The following EPB41L3 variants were observed in gnomAD, a reference collection of about 807,000 sequenced individuals.
The protein encoded by EPB41L3 is band 4.1-like protein 3.
Under a neutral mutation model 127.1 loss-of-function variants are expected in EPB41L3, and 57 were observed. The ratio of observed to expected loss-of-function variants is 0.45; its 90% CI spans 0.36 to 0.56. The LOEUF is 0.56. Among genes scored for constraint, EPB41L3 ranks in the 20% least tolerant of loss-of-function variants. EPB41L3 has a pLI of 0.00. For synonymous variants in EPB41L3, 572 were observed against 549.5 expected, an observed-to-expected ratio of 1.04 and a Z score of -0.57; for missense variants, 1,273 against 1,372.2, an observed-to-expected ratio of 0.93 and a Z score of 1.14.
chr18:5,622,419 G>A (rs545274727), intron 1 of EPB41L3, among the ~76,000 whole-genome samples: 13 of 152,156 alleles, frequency 8.5e-5, no homozygotes, highest in Non-Finnish European at 1.9e-4. Context: ...GTGACTTGTC[G>A]CCAGATAGCC....
At chr18:5,472,761 A>G (rs924030051) in intron 3 of EPB41L3, among the ~76,000 whole-genome samples, 1 of 152,202 alleles carries the variant, frequency 6.6e-6, no homozygotes, top group Non-Finnish European at 1.5e-5. Flanking sequence ...TTGAATCTCA[A>G]TAAGTACAGC....
At chr18:5,508,224 G>A (rs551971222) in intron 1 of EPB41L3, 3 of 152,158 alleles carry the variant, frequency 2.0e-5, no homozygotes, top group East Asian at 3.9e-4. Context: ...GCTTCTAAAC[G>A]GCATGATAAA....
At chr18:5,561,263 C>A (rs977611315) in intron 3 of EPB41L3, among the ~76,000 whole-genome samples, 2 of 152,120 alleles carry the variant, frequency 1.3e-5, no homozygotes, top group Admixed American at 6.5e-5. Flanking sequence ...AGGCGTGAGC[C>A]ACCGCGCCTG....
chr18:5,469,873 C>T lies in EPB41L3; in HGVS notation c.381+8368G>A, dbSNP rs1156578345. Among the ~76,000 whole-genome samples the T allele has an allele frequency of 7.3e-5, 11 of 151,652 alleles. No individual in the cohort carries two copies. The East Asian group carries it at 1.6e-3, about 22-fold the overall frequency. ...ACTGCAACCTCTGCCTCCCGGGTCC[C>T]GGTTCAAGCAAGTCTCCTGCCTCAG... On this transcript the variant is annotated intron_variant, in intron 3 of 22. Transcript: ENST00000341928.
At chr18:5,623,762 C>T (rs1420467744) in intron 1 of EPB41L3, among the ~76,000 whole-genome samples, 7 of 151,716 alleles carry the variant, frequency 4.6e-5, no homozygotes, top group Non-Finnish European at 8.8e-5. Flanking sequence ...ATTCTCATGC[C>T]TCAGCCTCCC....
intron 3 of EPB41L3, among the ~76,000 whole-genome samples, chr18:5,589,018 T>G (rs1468701590): frequency 6.6e-6 from 1 of 152,186 alleles, no homozygotes; most frequent in Non-Finnish European, 1.5e-5. Flanking sequence ...TTTCAATACT[T>G]GTACTACATT....
At chr18:5,528,961 T>C (rs978208155) in intron 1 of EPB41L3, 1 of 152,180 alleles carries the variant, frequency 6.6e-6, no homozygotes, top group Non-Finnish European at 1.5e-5. Flanking sequence ...CTTTGAGTAA[T>C]GGTCAATACA....
intron 1 of EPB41L3, among the ~76,000 whole-genome samples, chr18:5,516,727 T>C (rs568289510): frequency 1.3e-5 from 2 of 152,324 alleles, no homozygotes; most frequent in East Asian, 3.9e-4. Context: ...TTAAAATATA[T>C]ACATTTAGCC....
At chr18:5,620,855 C>A (rs1472620929) in intron 1 of EPB41L3, among the ~76,000 whole-genome samples, 1 of 152,136 alleles carries the variant, frequency 6.6e-6, no homozygotes, top group African/African-American at 2.4e-5. Context: ...GGCCATCAAA[C>A]TTTCCCCACC....
intron 3 of EPB41L3, among the ~76,000 whole-genome samples, chr18:5,473,247 C>T (rs899542431): frequency 1.3e-5 from 2 of 152,022 alleles, no homozygotes; most frequent in African/African-American, 4.8e-5. Flanking sequence ...AAATTGCCCT[C>T]ATTATTGAAT....
chr18:5,594,276 C>A (rs2094515820), intron 3 of EPB41L3, among the ~76,000 whole-genome samples: 1 of 152,182 alleles, frequency 6.6e-6, no homozygotes, highest in East Asian at 1.9e-4. Flanking sequence ...CCGGTCCCTC[C>A]ATTCGGGGTC....
intron 3 of EPB41L3, among the ~76,000 whole-genome samples, chr18:5,471,857 C>G (rs909362180): frequency 3.3e-5 from 5 of 152,104 alleles, no homozygotes; most frequent in Non-Finnish European, 7.4e-5. Flanking sequence ...TCCTGTTAGG[C>G]CTTCACACAA....
intron 3 of EPB41L3, among the ~76,000 whole-genome samples, chr18:5,461,366 GT>G (rs1456506282): frequency 6.6e-6 from 1 of 152,116 alleles, no homozygotes; most frequent in African/African-American, 2.4e-5. Flanking sequence ...CATCACTTAT[GT>G]CTATAAGCAG....
intron 1 of EPB41L3, among the ~76,000 whole-genome samples, chr18:5,511,443 C>G (rs1327991396): frequency 9.5e-6 from 1 of 105,134 alleles, no homozygotes; most frequent in Non-Finnish European, 1.8e-5. Context: ...CCAATTTTCC[C>G]TTAAGGGCAA....
chr18:5,474,179 C>T (rs192881198), intron 3 of EPB41L3, among the ~76,000 whole-genome samples: 1,709 of 151,412 alleles, frequency 0.011, 24 homozygotes, highest in South Asian at 0.045. Context: ...TGCAGTGAGC[C>T]GAGATCGCGC....
Position 5,489,013 on chromosome 18 carries a change from C to G in EPB41L3, c.171G>C (p.Pro57=), listed in dbSNP as rs749562073. 1.3e-6 allele frequency: 2 copies of G among 1,583,850 alleles called. No homozygotes were observed. Among genetic ancestry groups the G allele is most frequent in the Non-Finnish European group, 1.7e-6 (2 of 1,173,694 alleles). The change falls in exon 2 of 23, where the codon CCG becomes CCC. Residue 57 remains proline (P), a synonymous_variant. Transcript: ENST00000341928. The part of the protein sequence containing the change: ...QFAAAAAHST[P]VRREVTDKEQ... ...GGCCTGGGCTCACCTCCCTCCGCAC[C>G]GGGGTGCTGTGCGCTGCAGCGGCGG...
intron 3 of EPB41L3, among the ~76,000 whole-genome samples, chr18:5,558,231 T>C (rs1785391): frequency 0.12 from 18,993 of 152,210 alleles, 1,239 homozygotes; most frequent in Middle Eastern, 0.17. Flanking sequence ...TTCCTTTGAA[T>C]GAATGCACTC....
intron 7 of EPB41L3, 130 bp from the exon 8 acceptor site, chr18:5,433,686 T>C: frequency 1.1e-6 from 1 of 914,956 alleles, no homozygotes; most frequent in Non-Finnish European, 1.7e-6. Context: ...GAGAAAAGAA[T>C]AACAAGAAAA....
At chr18:5,614,016 C>A (rs1053755488) in intron 2 of EPB41L3, among the ~76,000 whole-genome samples, 1 of 152,068 alleles carries the variant, frequency 6.6e-6, no homozygotes, top group Non-Finnish European at 1.5e-5. Context: ...GGTCCTGAGA[C>A]CAAAACAGTT....
Sources: allele counts gnomAD v4.1 joint callset (sites outside exome capture counted in the v4.1 genomes callset), GRCh38; gene constraint gnomAD v4.1.1; transcripts MANE v1.5; gene names NCBI Gene and HGNC (gene_info 2026-07-23, HGNC 2026-07-21).